Variants in ZNF236 observed in about 807,000 individuals in gnomAD.
The protein encoded by ZNF236 is zinc finger protein 236, also known as regulated by glucose.
Under a neutral mutation model 191.2 loss-of-function variants are expected in ZNF236, and 50 were observed. That is an observed-to-expected ratio of 0.26 (90% confidence interval 0.21 to 0.33). The LOEUF is 0.33. ZNF236 is among the 10% of genes least tolerant of loss of function. The probability of loss-of-function intolerance (pLI) is 1.00; values close to 1 mark genes in which losing one functional copy is unlikely to be tolerated. For missense variants in ZNF236, 1,754 were observed against 2,374.5 expected (o/e 0.74, Z 5.43); for synonymous variants, 907 against 928.8 (o/e 0.98, Z 0.43).
At chr18:76,846,687 C>A (rs749016563) in intron 1 of ZNF236, among the ~76,000 whole-genome samples, 1 of 152,262 alleles carries the variant, frequency 6.6e-6, no homozygotes. Context: ...GAAGAAGAGA[C>A]TTACCGAAAT....
At chr18:76,961,296 G>A (rs1459144680) in intron 30 of ZNF236, among the ~76,000 whole-genome samples, 2 of 151,792 alleles carry the variant, frequency 1.3e-5, no homozygotes, top group Non-Finnish European at 2.9e-5. Flanking sequence ...TTAGAATAAT[G>A]GCCTTCAATT....
chr18:76,826,516 C>T (rs1975024180), intron 1 of ZNF236, among the ~76,000 whole-genome samples: 1 of 151,118 alleles, frequency 6.6e-6, no homozygotes. Context: ...TTAGGCCTGT[C>T]ATGGTGGCTC....
In ZNF236 at chr18:76,971,489, C is replaced by T. The variant is rs935788016; in HGVS notation, c.*3150C>T. 6.6e-6 allele frequency among the ~76,000 whole-genome samples: 1 copy of T among 152,282 alleles called. No homozygotes were observed. The highest frequency in any genetic ancestry group is 2.1e-4 in the South Asian group (1 of 4,822). On this transcript the variant is annotated 3_prime_UTR_variant, in exon 31 of 31. Transcript: ENST00000320610. ...TCTGGCACTTAACTAGGGGATGTTTCCTTCGTGCATATTTTCTACTCCCCT... is the reference window on the plus strand; with the variant it reads ...TCTGGCACTTAACTAGGGGATGTTTTCTTCGTGCATATTTTCTACTCCCCT...
chr18:76,947,105 CGTTCTGGGT>C (rs1968282896), intron 26 of ZNF236, among the ~76,000 whole-genome samples: 1 of 152,146 alleles, frequency 6.6e-6, no homozygotes, highest in Non-Finnish European at 1.5e-5. Context: ...TAGATGCATC[CGTTCTGGGT>C]ATTTCATAGA....
intron 1 of ZNF236, among the ~76,000 whole-genome samples, chr18:76,823,903 C>T (rs2122349195): frequency 6.6e-6 from 1 of 152,334 alleles, no homozygotes; most frequent in Admixed American, 6.5e-5. Context: ...CCCTGCAGGC[C>T]TGGTCCCTGG....
rs768615227 is a variant in ZNF236 at position 76,895,270 on chromosome 18, A to G, written c.1675A>G (p.Ile559Val). Residue 559 changes from isoleucine to valine, a missense_variant, in exon 10 of 31, where the codon ATT becomes GTT. This residue lies in a region of ZNF236 where 641 missense variants were observed against 869.6 expected (regional missense o/e 0.74). Coordinates refer to ENST00000320610, the MANE Select transcript of ZNF236 (RefSeq NM_001306089.2). ...CACCTCTGGCAGCCTCAAGGTGCACATTCGCCTGCACACAGGTATGGCCTC... is the reference window on the plus strand; with the variant it reads ...CACCTCTGGCAGCCTCAAGGTGCACGTTCGCCTGCACACAGGTATGGCCTC... Reference protein sequence around the residue: ...FSTSGSLKVHIRLHTGVRPFA... With the variant: ...FSTSGSLKVHVRLHTGVRPFA... 1.9e-6 allele frequency: 3 copies of G among 1,599,494 alleles called. No homozygotes were observed. Among genetic ancestry groups the G allele is most frequent in the Non-Finnish European group, 1.7e-6 (2 of 1,179,868 alleles).
At position 76,927,069 on chromosome 18, in the gene ZNF236, G is replaced by T. The variant is rs1967720529; in HGVS notation, c.4060G>T (p.Gly1354Trp). The T allele has an allele frequency of 6.2e-7, 1 of 1,613,566 alleles. No homozygotes were observed. The highest frequency in any genetic ancestry group is 1.3e-5 in the African/African-American group (1 of 74,850). The change falls in exon 23 of 31, where the codon GGG becomes TGG. Residue 1354 changes from glycine (G) to tryptophan (W), a missense_variant. Around this residue, in one of 5 missense-constraint regions of ZNF236, gnomAD observed 606 missense variants for 761.5 expected, o/e 0.80. Coordinates refer to ENST00000320610, the MANE Select transcript of ZNF236 (RefSeq NM_001306089.2). The surrounding 1 kb of genome is among the most constrained non-coding windows in gnomAD (Gnocchi z 5.4). ...TGACCTGACCGTGTCTCTGACAGAT[G>T]GGAGCCTGGCTACCCTAGAAGGCAT... ...GGDLTVSLTD[G>W]SLATLEGIQL...
At chr18:76,959,612 G>A in intron 28 of ZNF236, 75 bp from the exon 29 acceptor site, 2 of 1,517,502 alleles carry the variant, frequency 1.3e-6, no homozygotes, top group Non-Finnish European at 8.8e-7. Context: ...ACTTTGCAGT[G>A]ATTTGCTTCC....
At position 76,919,674 on chromosome 18, in the gene ZNF236, T is replaced by C. The variant is rs906783775; in HGVS notation, c.3275-102T>C. The C allele has an allele frequency of 3.0e-5, 41 of 1,359,692 alleles. No individual in the cohort carries two copies. The highest frequency in any genetic ancestry group is 5.8e-5 in the African/African-American group (4 of 68,652). The allele number at this position is 1,359,692 out of a possible 1,614,324, so 84.2% of individuals were successfully genotyped here. A position where few individuals can be genotyped will look rare whatever the true frequency, so the allele number is the denominator to read the frequency against. ...TCATAAAAATAGCTTGGTTGAGTTATTAATTTTCATTACATACATACCTAT... is the reference window on the plus strand; with the variant it reads ...TCATAAAAATAGCTTGGTTGAGTTACTAATTTTCATTACATACATACCTAT... On this transcript the variant is annotated intron_variant, in intron 19 of 30. Transcript: ENST00000320610. The surrounding 1 kb of genome is among the most constrained non-coding windows in gnomAD (Gnocchi z 5.3).
rs374928407 is a variant in ZNF236 at position 76,875,046 on chromosome 18, A to C, written c.668-446A>C. ...CCTAGGAAGGGGCCAGGGTGGAAGC[A>C]GTGAGTCAAGCTGGGGGTGGTTTCA... On this transcript the variant is annotated intron_variant, in intron 5 of 30. Transcript: ENST00000320610. This position sits in a 1 kb window ranked among gnomAD's most constrained non-coding sequence, Gnocchi z 4.3. 3.3e-5 allele frequency among the ~76,000 whole-genome samples: 5 copies of C among 152,322 alleles called. No homozygotes were observed. In the East Asian group the frequency reaches 5.8e-4, roughly 18 times the overall value.
chr18:76,863,594 T>C lies in ZNF236; in HGVS notation c.364-5091T>C, dbSNP rs550297473. On this transcript the variant is annotated intron_variant, in intron 3 of 30. Coordinates refer to ENST00000320610, the MANE Select transcript of ZNF236 (RefSeq NM_001306089.2). ...TCAATTACAAATTATTCTTCTTCTT[T>C]TTTTTTTTTTTAAATTAGAGACGGA... 2.4e-3 allele frequency among the ~76,000 whole-genome samples: 363 copies of C among 151,350 alleles called. 4 individuals carry two copies. Among genetic ancestry groups the C allele is most frequent in the Middle Eastern group, 0.017 (5 of 290 alleles).
At chr18:76,924,634 C>T (rs1967626590) in intron 21 of ZNF236, among the ~76,000 whole-genome samples, 1 of 152,164 alleles carries the variant, frequency 6.6e-6, no homozygotes, top group Non-Finnish European at 1.5e-5. Flanking sequence ...CTTTGATATA[C>T]CCAGTAATCA....
At chr18:76,901,652 G>A (rs1464452763) in intron 11 of ZNF236, among the ~76,000 whole-genome samples, 1 of 152,052 alleles carries the variant, frequency 6.6e-6, no homozygotes, top group Admixed American at 6.6e-5. Context: ...CAGCTACTCA[G>A]GAGGCTGAGG....
chr18:76,908,085 C>CTCCGTTCGTGCCTTGTG lies in ZNF236; in HGVS notation c.2298-232_2298-216dup, dbSNP rs562978421. 4.9e-3 allele frequency among the ~76,000 whole-genome samples: 751 copies of CTCCGTTCGTGCCTTGTG among 152,246 alleles called. 3 individuals carry two copies. Among genetic ancestry groups the CTCCGTTCGTGCCTTGTG allele is most frequent in the African/African-American group, 0.017 (715 of 41,544 alleles). ...ATTCGGGTGTGTGTTGTCCTTCATC[C>CTCCGTTCGTGCCTTGTG]TCCGTTCGTGCCTTGTGTCTTGTAG... is the stretch of plus-strand genomic sequence containing the variant. On this transcript the variant is annotated intron_variant, in intron 13 of 30. Transcript: ENST00000320610.
chr18:76,912,200 A>G, intron 16 of ZNF236, 44 bp from the exon 17 acceptor site: 2 of 1,429,848 alleles, frequency 1.4e-6, no homozygotes, highest in Admixed American at 1.8e-5. Flanking sequence ...ATGTTTATTC[A>G]CAGATATTCA....
At chr18:76,893,721 C>T (rs1977315880) in intron 9 of ZNF236, among the ~76,000 whole-genome samples, 1 of 152,232 alleles carries the variant, frequency 6.6e-6, no homozygotes, top group African/African-American at 2.4e-5. Flanking sequence ...CCATGTTGCC[C>T]AGGCTGATCT....
intron 10 of ZNF236, among the ~76,000 whole-genome samples, chr18:76,896,750 G>A (rs989161716): frequency 6.6e-6 from 1 of 150,620 alleles, no homozygotes; most frequent in Non-Finnish European, 1.5e-5. Flanking sequence ...CCAAACACAG[G>A]TACCAAACAC....
intron 5 of ZNF236, among the ~76,000 whole-genome samples, chr18:76,873,060 A>G (rs901004033): frequency 2.0e-5 from 3 of 152,124 alleles, no homozygotes; most frequent in Admixed American, 6.6e-5. Context: ...GTAAGAGAGA[A>G]AGAAAACAAT....
intron 3 of ZNF236, among the ~76,000 whole-genome samples, chr18:76,866,717 G>A (rs1238291974): frequency 6.6e-6 from 1 of 152,196 alleles, no homozygotes; most frequent in Non-Finnish European, 1.5e-5. Flanking sequence ...AACTCTGTAT[G>A]GAGGGTGCAG....
Sources: allele counts gnomAD v4.1 joint callset (sites outside exome capture counted in the v4.1 genomes callset), GRCh38; gene constraint gnomAD v4.1.1; regional missense constraint gnomAD v4.1.1; non-coding constraint Gnocchi (gnomAD v3.1); transcripts MANE v1.5; gene names NCBI Gene and HGNC (gene_info 2026-07-23, HGNC 2026-07-21).